Variants in DOK5 observed in about 807,000 individuals in gnomAD.
DOK5 encodes docking protein 5, also known as downstream of tyrosine kinase 5.
A neutral mutation model predicts 43.3 loss-of-function variants in DOK5; 27 were observed. The ratio of observed to expected loss-of-function variants is 0.62; its 90% CI spans 0.46 to 0.86. The LOEUF (loss-of-function observed/expected upper bound fraction) is 0.86, where lower values mean the gene tolerates loss of function less well. Ranked by LOEUF, DOK5 falls within the 40% of genes least tolerant of loss-of-function variation. DOK5 has a pLI of 0.00. For missense variants in DOK5, 373 were observed against 392.9 expected, an observed-to-expected ratio of 0.95 and a Z score of 0.43; for synonymous variants, 146 against 140.1, an observed-to-expected ratio of 1.04 and a Z score of -0.30.
intron 1 of DOK5, among the ~76,000 whole-genome samples, chr20:54,497,001 CAG>C (rs889918231): frequency 1.3e-5 from 2 of 152,072 alleles, no homozygotes; most frequent in African/African-American, 4.8e-5. Flanking sequence ...GGTGGACAGA[CAG>C]ATCTTTCTAT....
intron 6 of DOK5, among the ~76,000 whole-genome samples, chr20:54,642,456 C>A (rs1322786662): frequency 6.8e-6 from 1 of 148,132 alleles, no homozygotes; most frequent in Non-Finnish European, 1.5e-5. Flanking sequence ...GTAATCCTAA[C>A]ATTCTGGGAG....
chr20:54,607,403 G>GGTGTGTGTGTGTGTGT (rs10684906), intron 5 of DOK5, among the ~76,000 whole-genome samples: 20 of 145,544 alleles, frequency 1.4e-4, no homozygotes, highest in Admixed American at 2.7e-4. Flanking sequence ...AGTGGTAAGT[G>GGTGTGTGTGTGTGTGT]GTGTGTGTGT....
chr20:54,586,072 T>A (rs1471583294), intron 2 of DOK5, among the ~76,000 whole-genome samples: 1 of 152,156 alleles, frequency 6.6e-6, no homozygotes, highest in Non-Finnish European at 1.5e-5. Context: ...TGCAGTGAGC[T>A]GAGATCAGCG....
intron 1 of DOK5, chr20:54,476,228 T>C (rs935120017): frequency 1.6e-5 from 16 of 983,970 alleles, no homozygotes; most frequent in Non-Finnish European, 1.8e-5. Flanking sequence ...GACTTGGCTT[T>C]CTGATGGTGG....
intron 6 of DOK5, among the ~76,000 whole-genome samples, chr20:54,633,801 C>T (rs1057246246): frequency 1.3e-5 from 2 of 152,176 alleles, no homozygotes; most frequent in Non-Finnish European, 2.9e-5. Flanking sequence ...ATCTTTTTGC[C>T]ATAGTGAAGA....
chr20:54,546,909 C>T (rs1167225376), intron 1 of DOK5, among the ~76,000 whole-genome samples: 1 of 152,076 alleles, frequency 6.6e-6, no homozygotes, highest in Admixed American at 6.5e-5. Flanking sequence ...GAAAAAGCCT[C>T]AAGTCAACAT....
intron 1 of DOK5, among the ~76,000 whole-genome samples, chr20:54,496,253 A>G (rs1468482513): frequency 6.6e-6 from 1 of 152,254 alleles, no homozygotes; most frequent in East Asian, 1.9e-4. Context: ...TCATGAATAC[A>G]AAGTTAGAAA....
chr20:54,535,869 C>T (rs964582415), intron 1 of DOK5, among the ~76,000 whole-genome samples: 2 of 152,066 alleles, frequency 1.3e-5, no homozygotes, highest in Admixed American at 6.6e-5. Flanking sequence ...AAATAATAAA[C>T]CTCTTATATA....
intron 1 of DOK5, among the ~76,000 whole-genome samples, chr20:54,521,451 A>T (rs988479885): frequency 5.3e-5 from 8 of 152,120 alleles, no homozygotes; most frequent in Non-Finnish European, 1.0e-4. Flanking sequence ...AATTCACTAG[A>T]ACAACTCACA....
intron 2 of DOK5, among the ~76,000 whole-genome samples, chr20:54,562,772 A>T (rs1016197837): frequency 7.0e-6 from 1 of 143,598 alleles, no homozygotes; most frequent in African/African-American, 2.9e-5. Context: ...ACAGAAGGTT[A>T]AAAAAAAAAT....
At chr20:54,627,255 T>C (rs965422807) in intron 6 of DOK5, among the ~76,000 whole-genome samples, 1 of 152,234 alleles carries the variant, frequency 6.6e-6, no homozygotes, top group African/African-American at 2.4e-5. Context: ...TCTTATAGAT[T>C]GTTAACCTTA....
At chr20:54,608,508 A>T (rs1047860514) in intron 5 of DOK5, among the ~76,000 whole-genome samples, 1 of 152,210 alleles carries the variant, frequency 6.6e-6, no homozygotes, top group African/African-American at 2.4e-5. Context: ...TTCAGGGAAG[A>T]AATGGGACTT....
At chr20:54,571,134 C>T (rs574536865) in intron 2 of DOK5, among the ~76,000 whole-genome samples, 1 of 152,268 alleles carries the variant, frequency 6.6e-6, no homozygotes, top group Admixed American at 6.5e-5. Context: ...GTTGGAATCA[C>T]AGTACTTTGT....
At chr20:54,649,904 T>C (rs529586811) in intron 7 of DOK5, among the ~76,000 whole-genome samples, 104 of 152,320 alleles carry the variant, frequency 6.8e-4, no homozygotes, top group Non-Finnish European at 1.4e-3. Flanking sequence ...ATATTATTAA[T>C]ATGTCACAAA....
At chr20:54,489,762 A>C (rs1477692658) in intron 1 of DOK5, among the ~76,000 whole-genome samples, 1 of 152,126 alleles carries the variant, frequency 6.6e-6, no homozygotes, top group East Asian at 1.9e-4. Context: ...CATTGGGGTA[A>C]ATCCATTTTT....
chr20:54,622,994 G>A (rs144830669), intron 6 of DOK5, among the ~76,000 whole-genome samples: 38 of 152,230 alleles, frequency 2.5e-4, no homozygotes, highest in Middle Eastern at 3.4e-3. Flanking sequence ...ACAGAGCCCC[G>A]TATGACTGCA....
chr20:54,504,241 T>A (rs1438517124), intron 1 of DOK5, among the ~76,000 whole-genome samples: 1 of 152,206 alleles, frequency 6.6e-6, no homozygotes, highest in Non-Finnish European at 1.5e-5. Flanking sequence ...ACCTTCTAGA[T>A]CTCGCGGTCC....
At chr20:54,483,024 A>AT (rs1568747575) in intron 1 of DOK5, among the ~76,000 whole-genome samples, 2 of 152,290 alleles carry the variant, frequency 1.3e-5, no homozygotes, top group East Asian at 3.9e-4. Flanking sequence ...AATCAGCTTC[A>AT]TTGACATGGT....
chr20:54,623,983 T>C (rs753603592), intron 6 of DOK5, among the ~76,000 whole-genome samples: 6 of 152,198 alleles, frequency 3.9e-5, no homozygotes, highest in Non-Finnish European at 7.3e-5. Flanking sequence ...GGAATTTGAA[T>C]GATGGAGCCG....
Sources: gnomAD v4.1 joint callset for allele counts (sites outside exome capture counted in the v4.1 genomes callset) on GRCh38, gnomAD v4.1.1 for gene constraint, MANE v1.5 for transcripts, NCBI Gene and HGNC (gene_info 2026-07-23, HGNC 2026-07-21) for gene names.